PSMB1: variants seen among roughly 807,000 people sequenced by gnomAD.
PSMB1 encodes proteasome subunit beta type-1.
In PSMB1, 7 loss-of-function variants were observed where a neutral mutation model predicts 25.4. That is an observed-to-expected ratio of 0.28 (90% CI 0.16 to 0.52). PSMB1 has a LOEUF of 0.52. Among genes scored for constraint, PSMB1 ranks in the 20% least tolerant of loss-of-function variants. The pLI is 0.97. For synonymous variants in PSMB1, 119 were observed against 115.0 expected (o/e 1.03, Z -0.22); for missense variants, 284 against 302.2 (o/e 0.94, Z 0.45).
chr6:170,548,868 T>C, intron 2 of PSMB1, 138 bp downstream of exon 2: 1 of 654,430 alleles, frequency 1.5e-6, no homozygotes, highest in East Asian at 2.7e-5. Context: ...AACATTAACT[T>C]AGAAAATGGT....
intron 2 of PSMB1, among the ~76,000 whole-genome samples, chr6:170,547,741 A>C (rs957504896): frequency 5.3e-5 from 8 of 152,208 alleles, no homozygotes; most frequent in African/African-American, 1.9e-4. Context: ...TTTCATGCAA[A>C]GAATACAGTC....
intron 1 of PSMB1, among the ~76,000 whole-genome samples, chr6:170,551,509 T>C (rs1778901535): frequency 2.6e-5 from 4 of 152,210 alleles, no homozygotes; most frequent in Non-Finnish European, 5.9e-5. Context: ...CAGAAAGATC[T>C]AAGTAATTTT....
chr6:170,544,071 G>A (rs1280998844), intron 3 of PSMB1, among the ~76,000 whole-genome samples: 1 of 152,104 alleles, frequency 6.6e-6, no homozygotes, highest in African/African-American at 2.4e-5. Context: ...TATAGACCAG[G>A]GGTCAACAAA....
At chr6:170,543,459 T>A in intron 4 of PSMB1, 142 bp downstream of exon 4, 1 of 906,586 alleles carries the variant, frequency 1.1e-6, no homozygotes, top group Non-Finnish European at 1.6e-6. Flanking sequence ...AGCTTCAGTT[T>A]CTTCATCACT....
chr6:170,539,723 T>C (rs954716583), intron 4 of PSMB1, among the ~76,000 whole-genome samples: 3 of 152,130 alleles, frequency 2.0e-5, no homozygotes, highest in African/African-American at 4.8e-5. Context: ...ATACTTCAAC[T>C]ACTCGAAGTT....
intron 3 of PSMB1, 125 bp from the exon 4 acceptor site, chr6:170,543,855 C>T (rs1778785098): frequency 4.0e-6 from 4 of 1,004,474 alleles, no homozygotes; most frequent in Admixed American, 3.0e-5. Flanking sequence ...TGCCTATTTC[C>T]TTCATGATCA....
intron 2 of PSMB1, 121 bp from the exon 3 acceptor site, chr6:170,546,305 G>A (rs1778817864): frequency 5.3e-6 from 4 of 753,236 alleles, no homozygotes; most frequent in Non-Finnish European, 8.9e-6. Context: ...GGGACAAACA[G>A]TCACCCTTCT....
intron 3 of PSMB1, among the ~76,000 whole-genome samples, chr6:170,545,081 T>G (rs1420522067): frequency 6.6e-6 from 1 of 151,682 alleles, no homozygotes; most frequent in African/African-American, 2.4e-5. Context: ...GAGGCAGAGG[T>G]TGCAGTGAGC....
At position 170,543,641 on chromosome 6, in the gene PSMB1, T is replaced by A. The variant is rs1387823610; in HGVS notation, c.393A>T (p.Pro131=). Residue 131 remains proline (P), a synonymous_variant, in exon 4 of 6, where the codon CCA becomes CCT. Coordinates refer to ENST00000262193, the MANE Select transcript of PSMB1 (RefSeq NM_002793.4). ...CACCGATGATGTTGTAAACATAGTATGGAAAGAAGCGCCTTGAATACAGGA... is the reference window on the plus strand; with the variant it reads ...CACCGATGATGTTGTAAACATAGTAAGGAAAGAAGCGCCTTGAATACAGGA... ...STILYSRRFF[P]YYVYNIIGGL... 1.2e-6 allele frequency: 2 copies of A among 1,612,036 alleles called. No individual in the cohort carries two copies. Among genetic ancestry groups the A allele is most frequent in the South Asian group, 1.1e-5 (1 of 90,996 alleles).
intron 3 of PSMB1, 59 bp from the exon 4 acceptor site, chr6:170,543,789 C>T (rs1047079816): frequency 1.4e-6 from 2 of 1,475,508 alleles, no homozygotes; most frequent in South Asian, 2.7e-5. Context: ...TAGACTAGAA[C>T]AATCAACAGT....
At chr6:170,546,231 CA>C (rs1286249492) in intron 2 of PSMB1, 47 bp from the exon 3 acceptor site, 1 of 1,448,870 alleles carries the variant, frequency 6.9e-7, no homozygotes, top group East Asian at 2.3e-5. Flanking sequence ...GATAGTAGAG[CA>C]AAACATATCT....
At chr6:170,549,585 C>G (rs1425414623) in intron 1 of PSMB1, 1 of 152,294 alleles carries the variant, frequency 6.6e-6, no homozygotes, top group Non-Finnish European at 1.5e-5. Flanking sequence ...TATACCCAAT[C>G]CCTTATATAA....
At chr6:170,548,904 CA>C (rs751365790) in intron 2 of PSMB1, 101 bp downstream of exon 2, 5 of 858,130 alleles carry the variant, frequency 5.8e-6, no homozygotes, top group Non-Finnish European at 9.2e-6. Context: ...CTCCCAACAG[CA>C]ACTTAAAAAC....
intron 2 of PSMB1, 102 bp from the exon 3 acceptor site, chr6:170,546,286 A>C: frequency 1.1e-6 from 1 of 884,542 alleles, no homozygotes; most frequent in Non-Finnish European, 1.8e-6. Flanking sequence ...CTATTCCCTA[A>C]ATGGTAATGG....
chr6:170,548,308 A>G (rs1778847849), intron 2 of PSMB1, among the ~76,000 whole-genome samples: 1 of 152,214 alleles, frequency 6.6e-6, no homozygotes, highest in Admixed American at 6.5e-5. Context: ...GGAATTCATG[A>G]CCATTTATAA....
intron 2 of PSMB1, among the ~76,000 whole-genome samples, 196 bp downstream of exon 2, chr6:170,548,810 C>T (rs530002890): frequency 2.6e-5 from 4 of 152,224 alleles, no homozygotes; most frequent in South Asian, 2.1e-4. Context: ...ACTTTTGGTA[C>T]CCTGAATACA....
intron 4 of PSMB1, among the ~76,000 whole-genome samples, chr6:170,538,939 C>A (rs1195384062): frequency 6.6e-6 from 1 of 152,078 alleles, no homozygotes; most frequent in Non-Finnish European, 1.5e-5. Context: ...GGCCCAAAAG[C>A]TTTACCCAAG....
intron 4 of PSMB1, among the ~76,000 whole-genome samples, 184 bp from the exon 5 acceptor site, chr6:170,537,524 G>T (rs1040347036): frequency 6.6e-6 from 1 of 152,184 alleles, no homozygotes; most frequent in Non-Finnish European, 1.5e-5. Flanking sequence ...TGTTGCACAT[G>T]TGACAGCCAG....
Position 170,553,112 on chromosome 6 carries a change from G to A in PSMB1, c.113+18C>T, listed in dbSNP as rs1428275714. ...GGGAAGGGCGAAAGTGAAAGCCGCA[G>A]CTCTCTGGGGTTTTTACCCTCCGTT... is the stretch of plus-strand genomic sequence containing the variant. On this transcript the variant is annotated intron_variant, in intron 1 of 5. Transcript: ENST00000262193. The A allele has an allele frequency of 1.3e-6, 2 of 1,582,780 alleles. No homozygotes were observed. The highest frequency in any genetic ancestry group is 1.1e-5 in the South Asian group (1 of 88,078).
Sources: gnomAD v4.1 joint callset for allele counts (sites outside exome capture counted in the v4.1 genomes callset) on GRCh38, gnomAD v4.1.1 for gene constraint, MANE v1.5 for transcripts, NCBI Gene and HGNC (gene_info 2026-07-23, HGNC 2026-07-21) for gene names.